Variants in MAP4K1 observed in about 807,000 individuals in gnomAD.
The protein encoded by MAP4K1 is MAPK/ERK kinase kinase kinase 1.
In MAP4K1, 35 loss-of-function variants were observed where a neutral mutation model predicts 122.8. The ratio of observed to expected loss-of-function variants is 0.29; its 90% confidence interval spans 0.22 to 0.38. The LOEUF (loss-of-function observed/expected upper bound fraction) is 0.38. MAP4K1 is among the 10% of genes least tolerant of loss of function. The pLI is 1.00. For synonymous variants in MAP4K1, 412 were observed against 421.3 expected (o/e 0.98, Z 0.27); for missense variants, 791 against 1,072.6 (o/e 0.74, Z 3.67).
intron 22 of MAP4K1, 70 bp downstream of exon 22, chr19:38,599,855 A>G: frequency 6.9e-7 from 1 of 1,451,570 alleles, no homozygotes; most frequent in Non-Finnish European, 9.7e-7. Context: ...GTGCCCGTCT[A>G]CTTCCCAGCC....
intron 5 of MAP4K1, 48 bp downstream of exon 5, chr19:38,614,342 G>A: frequency 6.2e-7 from 1 of 1,613,908 alleles, no homozygotes. Context: ...GGGCTGGAGT[G>A]GGGCCACCCT....
intron 4 of MAP4K1, chr19:38,614,647 G>A (rs542009762): frequency 1.3e-5 from 8 of 617,408 alleles, no homozygotes; most frequent in Non-Finnish European, 2.0e-5. Context: ...TAGGCCTGGC[G>A]CAGTGGCTCA....
intron 16 of MAP4K1, among the ~76,000 whole-genome samples, chr19:38,606,454 C>T (rs1036455086): frequency 2.0e-5 from 3 of 152,094 alleles, no homozygotes; most frequent in Admixed American, 2.0e-4. Context: ...CCCAGGAATT[C>T]GAGACTAGCC....
In MAP4K1 at chr19:38,609,611, C is replaced by T. The variant is rs1975433875; in HGVS notation, c.991G>A (p.Asp331Asn). ...THRSSSLGIPDADCCRRHMEF... is the reference protein window; with the variant it reads ...THRSSSLGIPNADCCRRHMEF... ...CTCTACTCACGACAGCAGTCTGCAT[C>T]TGGGATCCCCAGAGAGCTGGAGCGG... Residue 331 changes from aspartate (D) to asparagine (N), a missense_variant, in exon 13 of 31, where the codon GAT (aspartate) becomes AAT (asparagine). By Grantham distance (23) the Asp-to-Asn change is conservative. Coordinates refer to ENST00000396857, the MANE Select transcript of MAP4K1 (RefSeq NM_001042600.3). 1.2e-6 allele frequency: 2 copies of T among 1,613,876 alleles called. No homozygotes were observed. The highest frequency in any genetic ancestry group is 1.3e-5 in the African/African-American group (1 of 75,044).
chr19:38,604,683 G>A (rs533134645), intron 19 of MAP4K1, among the ~76,000 whole-genome samples: 189 of 151,748 alleles, frequency 1.2e-3, no homozygotes, highest in African/African-American at 4.4e-3. Flanking sequence ...CCAGCTACTC[G>A]GGAGGCTGAG....
chr19:38,594,857 T>G (rs1157013401), intron 29 of MAP4K1, among the ~76,000 whole-genome samples: 1 of 148,672 alleles, frequency 6.7e-6, no homozygotes, highest in Non-Finnish European at 1.5e-5. Flanking sequence ...AGGAGAATTC[T>G]TTGAACCTGG....
rs41274334 is a variant in MAP4K1, at chr19:38,600,062, G to A, written c.1608+15C>T. Reference sequence around the variant, plus strand: ...CCGGCCCTTGCCCTTGCCCTGGCCCGGTATGGTTCCTCACCATTTCCAGCG... The same window carrying A: ...CCGGCCCTTGCCCTTGCCCTGGCCCAGTATGGTTCCTCACCATTTCCAGCG... On this transcript the variant is annotated intron_variant, in intron 21 of 30. Transcript: ENST00000396857. 8.2e-4 allele frequency: 1,321 copies of A among 1,614,108 alleles called. No individual in the cohort carries two copies. Among genetic ancestry groups the A allele is most frequent in the Non-Finnish European group, 1.1e-3 (1,258 of 1,180,014 alleles).
At chr19:38,595,904 G>T in intron 27 of MAP4K1, 35 bp downstream of exon 27, 1 of 1,607,884 alleles carries the variant, frequency 6.2e-7, no homozygotes. Flanking sequence ...GCAGCTGGAG[G>T]GGTGGGGAGG....
At position 38,605,433 on chromosome 19, in the gene MAP4K1, G is replaced by T. The variant is rs1975294479; in HGVS notation, c.1422C>A (p.Pro474=). ...CCTTTCTCTTCATCTTTTCCTTCTT[G>T]GGGGGCAGAAGTGGGGGCTTGTCAA... The part of the protein sequence containing the change: ...RELDKPPLLP[P]KKEKMKRKGC... Residue 474 remains proline (P), a synonymous_variant, in exon 19 of 31, where the codon CCC becomes CCA. Coordinates refer to ENST00000396857, the MANE Select transcript of MAP4K1 (RefSeq NM_001042600.3). 6.3e-7 allele frequency: 1 copy of T among 1,598,712 alleles called. No homozygotes were observed. Among genetic ancestry groups the T allele is most frequent in the Non-Finnish European group, 8.5e-7 (1 of 1,173,500 alleles).
chr19:38,602,771 T>C (rs575959696), intron 19 of MAP4K1, among the ~76,000 whole-genome samples: 7 of 147,392 alleles, frequency 4.7e-5, no homozygotes, highest in South Asian at 2.2e-4. Context: ...CGCATATACA[T>C]ATATACACAT....
chr19:38,602,996 A>ATATACATATATACACACATATACATG (rs1975165212), intron 19 of MAP4K1, among the ~76,000 whole-genome samples: 1 of 145,176 alleles, frequency 6.9e-6, no homozygotes, highest in Non-Finnish European at 1.5e-5. Flanking sequence ...ACATATATAC[A>ATATACATATATACACACATATACATG]TATACATATA....
chr19:38,615,817 C>G (rs1332737400), intron 4 of MAP4K1, among the ~76,000 whole-genome samples: 2 of 152,030 alleles, frequency 1.3e-5, no homozygotes, highest in African/African-American at 2.4e-5. Flanking sequence ...GCCACCACGC[C>G]CGGCTAATTT....
intron 30 of MAP4K1, among the ~76,000 whole-genome samples, chr19:38,590,484 G>A (rs1470642157): frequency 8.7e-4 from 116 of 133,746 alleles, no homozygotes; most frequent in African/African-American, 3.2e-3. Context: ...TGTTGTTGTT[G>A]TTGTTGTTTT....
Position 38,596,798 on chromosome 19 carries a change from C to T in MAP4K1, c.1941+236G>A, listed in dbSNP as rs190091467. ...CTCTACTAGGACACCCAGGGAGTGG[C>T]AGCATTGAGCCTGAGGAATAATTAG... On this transcript the variant is annotated intron_variant, in intron 25 of 30. Transcript: ENST00000396857. Among the ~76,000 whole-genome samples the T allele has an allele frequency of 5.3e-5, 8 of 152,256 alleles. No individual in the cohort carries two copies. In the East Asian group the frequency reaches 1.5e-3, roughly 29 times the overall value.
At chr19:38,592,594 A>AT (rs1159650477) in intron 30 of MAP4K1, 1 of 149,932 alleles carries the variant, frequency 6.7e-6, no homozygotes, top group Non-Finnish European at 1.5e-5. Context: ...TTTTAAAAAA[A>AT]TTTTATAAAT....
At chr19:38,615,138 C>T (rs1250506613) in intron 4 of MAP4K1, among the ~76,000 whole-genome samples, 1 of 151,534 alleles carries the variant, frequency 6.6e-6, no homozygotes, top group Non-Finnish European at 1.5e-5. Context: ...CATGAGGGCT[C>T]CCACTCTGAG....
intron 16 of MAP4K1, among the ~76,000 whole-genome samples, chr19:38,607,559 CAAAAAAA>C (rs759008757): frequency 9.1e-5 from 5 of 55,056 alleles, no homozygotes; most frequent in African/African-American, 3.6e-4. Flanking sequence ...GACTCCATCT[CAAAAAAA>C]AAAAAAAAAA....
intron 13 of MAP4K1, 61 bp downstream of exon 13, chr19:38,609,535 G>A: frequency 1.4e-6 from 2 of 1,442,278 alleles, no homozygotes; most frequent in East Asian, 4.6e-5. Context: ...GGTAGGGGAA[G>A]GTGGTCTCTT....
chr19:38,617,784 G>C lies in MAP4K1; in HGVS notation c.99+13C>G, dbSNP rs1975695129. On this transcript the variant is annotated intron_variant, in intron 1 of 30. Coordinates refer to ENST00000396857, the MANE Select transcript of MAP4K1 (RefSeq NM_001042600.3). The surrounding 1 kb of genome is among the most constrained non-coding windows in gnomAD (Gnocchi z 4.1). ...CTGGTTGTAGGGTGTTGGGGACAGA[G>C]GGGCTTCCTCACCTTAAAGACTTCC... 1 of 1,613,922 alleles carries C rather than the reference G, an allele frequency of 6.2e-7. No homozygotes were observed. The highest frequency in any genetic ancestry group is 8.5e-7 in the Non-Finnish European group (1 of 1,179,808).
Sources: gnomAD v4.1 joint callset for allele counts (sites outside exome capture counted in the v4.1 genomes callset) on GRCh38, gnomAD v4.1.1 for gene constraint, Gnocchi (gnomAD v3.1) non-coding constraint, MANE v1.5 for transcripts, NCBI Gene and HGNC (gene_info 2026-07-23, HGNC 2026-07-21) for gene names.